NCAM2: variants seen among roughly 807,000 people sequenced by gnomAD.
NCAM2 encodes the protein N-CAM-2.
A neutral mutation model predicts 98.1 loss-of-function variants in NCAM2; 30 were observed. The ratio of observed to expected loss-of-function variants is 0.31; its 90% CI spans 0.23 to 0.41. NCAM2 has a LOEUF of 0.41. Among genes scored for constraint, NCAM2 ranks in the 10% least tolerant of loss-of-function variants. NCAM2 has a pLI of 1.00. For synonymous variants in NCAM2, 368 were observed against 342.4 expected (o/e 1.07, Z -0.83); for missense variants, 867 against 1,005.8 (o/e 0.86, Z 1.87).
intron 1 of NCAM2, among the ~76,000 whole-genome samples, chr21:21,062,197 G>C (rs757072583): frequency 2.6e-5 from 4 of 152,120 alleles, no homozygotes; most frequent in Non-Finnish European, 4.4e-5. Flanking sequence ...TGGCATATAC[G>C]TAAGTATAAA....
intron 6 of NCAM2, among the ~76,000 whole-genome samples, chr21:21,334,359 C>T (rs955593264): frequency 1.3e-5 from 2 of 152,202 alleles, no homozygotes; most frequent in South Asian, 2.1e-4. Flanking sequence ...TGAGTATAGA[C>T]ATATAAAGAT....
chr21:21,040,045 T>C (rs1009828251), intron 1 of NCAM2, among the ~76,000 whole-genome samples: 6 of 152,182 alleles, frequency 3.9e-5, no homozygotes, highest in South Asian at 2.1e-4. Context: ...CGCTAGCACA[T>C]TGTAATTCTC....
At chr21:21,452,287 TC>T (rs1027909729) in intron 12 of NCAM2, among the ~76,000 whole-genome samples, 13 of 99,506 alleles carry the variant, frequency 1.3e-4, no homozygotes, top group Non-Finnish European at 2.8e-4. Context: ...ACAAATGACT[TC>T]CTGCTTGGTC....
At chr21:21,193,384 A>G (rs1024305401) in intron 1 of NCAM2, among the ~76,000 whole-genome samples, 5 of 152,176 alleles carry the variant, frequency 3.3e-5, no homozygotes, top group African/African-American at 1.2e-4. Context: ...ATGGGAAGTT[A>G]AGTACAGCCT....
At chr21:21,076,671 T>G (rs1307885232) in intron 1 of NCAM2, among the ~76,000 whole-genome samples, 1 of 152,190 alleles carries the variant, frequency 6.6e-6, no homozygotes, top group Admixed American at 6.5e-5. Flanking sequence ...GTCACGAAGT[T>G]TAGTTTGTAG....
chr21:21,525,350 G>A (rs1989264951), intron 16 of NCAM2, among the ~76,000 whole-genome samples: 1 of 152,054 alleles, frequency 6.6e-6, no homozygotes, highest in African/African-American at 2.4e-5. Context: ...ACTATAGACA[G>A]CATTGTCATT....
chr21:21,005,294 A>G (rs1382288589), intron 1 of NCAM2, among the ~76,000 whole-genome samples: 1 of 152,234 alleles, frequency 6.6e-6, no homozygotes, highest in Non-Finnish European at 1.5e-5. Flanking sequence ...ACATGTGTCT[A>G]TGGAAGACTT....
At position 21,050,955 on chromosome 21, in the gene NCAM2, C is replaced by A. The variant is rs4816843; in HGVS notation, c.55+52337C>A. On this transcript the variant is annotated intron_variant, in intron 1 of 17. Transcript: ENST00000400546. ...GGAACAGCATGATACATTTGATTTC[C>A]TCTTATCAAGATACTTTAAAGTTGT... Among the ~76,000 whole-genome samples, 362 of 152,242 alleles carry A rather than the reference C, an allele frequency of 2.4e-3. 3 individuals carry two copies. Among genetic ancestry groups the A allele is most frequent in the Non-Finnish European group, 2.8e-3 (193 of 68,042 alleles).
intron 1 of NCAM2, among the ~76,000 whole-genome samples, chr21:21,001,356 A>T (rs559447951): frequency 1.1e-4 from 17 of 152,286 alleles, no homozygotes; most frequent in African/African-American, 3.8e-4. Flanking sequence ...TGCAAGATTA[A>T]TGTATAATGA....
chr21:21,156,420 G>T (rs572821050), intron 1 of NCAM2, among the ~76,000 whole-genome samples: 1 of 152,028 alleles, frequency 6.6e-6, no homozygotes, highest in East Asian at 1.9e-4. Flanking sequence ...TATTTAGTCT[G>T]GGTATGCAGA....
At chr21:21,421,775 A>G (rs1179083217) in intron 11 of NCAM2, among the ~76,000 whole-genome samples, 1 of 152,222 alleles carries the variant, frequency 6.6e-6, no homozygotes, top group East Asian at 1.9e-4. Flanking sequence ...CATTTGGCAT[A>G]TGGTATTTTA....
intron 1 of NCAM2, among the ~76,000 whole-genome samples, chr21:21,136,170 G>A (rs1206002821): frequency 1.3e-5 from 2 of 152,136 alleles, no homozygotes; most frequent in African/African-American, 2.4e-5. Context: ...GGGTCACTCT[G>A]GTGAAGGAAA....
intron 1 of NCAM2, among the ~76,000 whole-genome samples, chr21:21,200,893 A>G (rs2069194520): frequency 6.6e-6 from 1 of 151,782 alleles, no homozygotes; most frequent in Non-Finnish European, 1.5e-5. Context: ...TTCTAACCCT[A>G]GACCACAGAT....
In NCAM2 at chr21:21,435,603, C is replaced by A. The variant is rs1013463367; in HGVS notation, c.1654+3322C>A. On this transcript the variant is annotated intron_variant, in intron 12 of 17. Coordinates refer to ENST00000400546, the MANE Select transcript of NCAM2 (RefSeq NM_004540.5). Reference sequence around the variant, plus strand: ...TTCTTCTTTAACTCTGCAGGAGGTGCCTGACCTCTTCTCAAATCTTAGGTA... The same window carrying A: ...TTCTTCTTTAACTCTGCAGGAGGTGACTGACCTCTTCTCAAATCTTAGGTA... Among the ~76,000 whole-genome samples, 35 of 152,224 alleles carry A rather than the reference C, an allele frequency of 2.3e-4. No individual in the cohort carries two copies. In the East Asian group the frequency reaches 5.2e-3, roughly 23 times the overall value.
chr21:21,147,924 A>C (rs2146688350), intron 1 of NCAM2, among the ~76,000 whole-genome samples: 1 of 151,860 alleles, frequency 6.6e-6, no homozygotes, highest in Non-Finnish European at 1.5e-5. Flanking sequence ...CATATAGGAT[A>C]TATATAAAGT....
chr21:21,007,154 C>T (rs2064127238), intron 1 of NCAM2, among the ~76,000 whole-genome samples: 1 of 152,122 alleles, frequency 6.6e-6, no homozygotes, highest in South Asian at 2.1e-4. Context: ...AGCCAATGTA[C>T]TGACTAAAAC....
At chr21:21,486,502 A>G (rs1326824994) in intron 15 of NCAM2, among the ~76,000 whole-genome samples, 1 of 152,064 alleles carries the variant, frequency 6.6e-6, no homozygotes, top group Admixed American at 6.6e-5. Flanking sequence ...GAGACTGAAG[A>G]GTTTATATTG....
chr21:21,374,071 G>T (rs2075979559), intron 9 of NCAM2, 58 bp downstream of exon 9: 9 of 1,532,570 alleles, frequency 5.9e-6, no homozygotes, highest in Non-Finnish European at 8.0e-6. Flanking sequence ...TGAAACATAT[G>T]ATTTTTCAAT....
chr21:21,256,364 A>T (rs990010072), intron 1 of NCAM2, among the ~76,000 whole-genome samples: 5 of 152,162 alleles, frequency 3.3e-5, no homozygotes, highest in African/African-American at 1.2e-4. Flanking sequence ...GTCTCAAATA[A>T]TAATAATGAT....
Sources: allele counts gnomAD v4.1 joint callset (sites outside exome capture counted in the v4.1 genomes callset), GRCh38; gene constraint gnomAD v4.1.1; transcripts MANE v1.5; gene names NCBI Gene and HGNC (gene_info 2026-07-23, HGNC 2026-07-21).